The following SLC39A9 variants were observed in gnomAD, a reference collection of about 807,000 sequenced individuals.
SLC39A9 encodes the protein solute carrier family 39 member 9.
Under a neutral mutation model 28.4 loss-of-function variants are expected in SLC39A9, and 14 were observed. That is an observed-to-expected ratio of 0.49 (90% CI 0.33 to 0.77). The LOEUF is 0.77. SLC39A9 is among the 30% of genes least tolerant of loss of function. SLC39A9 has a pLI of 0.02. For synonymous variants in SLC39A9, 119 were observed against 149.6 expected, an observed-to-expected ratio of 0.80 and a Z score of 1.49; for missense variants, 283 against 381.1, an observed-to-expected ratio of 0.74 and a Z score of 2.14.
chr14:69,403,667 T>C (rs1004254428), intron 1 of SLC39A9, among the ~76,000 whole-genome samples: 1 of 152,218 alleles, frequency 6.6e-6, no homozygotes, highest in Non-Finnish European at 1.5e-5. Flanking sequence ...GCTCTAAAAA[T>C]TTCTGAAGGC....
chr14:69,455,924 T>C, intron 6 of SLC39A9, 58 bp downstream of exon 6: 1 of 1,577,424 alleles, frequency 6.3e-7, no homozygotes, highest in Non-Finnish European at 8.6e-7. Context: ...TTAGAATTTA[T>C]GATCTCTTAG....
At chr14:69,426,454 A>C (rs975897190) in intron 2 of SLC39A9, among the ~76,000 whole-genome samples, 4 of 152,250 alleles carry the variant, frequency 2.6e-5, no homozygotes, top group African/African-American at 7.2e-5. Context: ...AGACTAAGTA[A>C]GGTATGGAAG....
intron 1 of SLC39A9, among the ~76,000 whole-genome samples, chr14:69,418,940 T>C (rs1883730914): frequency 6.6e-6 from 1 of 152,294 alleles, no homozygotes; most frequent in East Asian, 1.9e-4. Flanking sequence ...TTTGTTGATG[T>C]TTTCAAAAAA....
Position 69,461,655 on chromosome 14 carries a change from C to G in SLC39A9, c.*3062C>G, listed in dbSNP as rs1397264348. On this transcript the variant is annotated 3_prime_UTR_variant, in exon 7 of 7. Transcript: ENST00000336643. ...TGTGATTGTGTTTTTTTTTTACCAG[C>G]CTACTTCTAAGTGTCACTGCCTGGT... 1 of 1,534,312 alleles carries G rather than the reference C, an allele frequency of 6.5e-7. No homozygotes were observed. The highest frequency in any genetic ancestry group is 8.7e-7 in the Non-Finnish European group (1 of 1,146,228).
Position 69,458,589 on chromosome 14 carries a change from A to G in SLC39A9, c.920A>G (p.His307Arg). ...CTCATCCTGTCAGTAGGACACCAGC[A>G]TTAAATGTTCAAGGTCCAGCCTTGG... ...IPLILSVGHQ[H>R] The change falls in exon 7 of 7, where the codon CAT (histidine) becomes CGT (arginine). Residue 307 changes from histidine to arginine, a missense_variant. His to Arg is a conservative substitution (Grantham distance 29). Coordinates refer to ENST00000336643, the MANE Select transcript of SLC39A9 (RefSeq NM_018375.5). 6.2e-7 allele frequency: 1 copy of G among 1,609,228 alleles called. No individual in the cohort carries two copies. Among genetic ancestry groups the G allele is most frequent in the Admixed American group, 1.7e-5 (1 of 59,568 alleles).
intron 2 of SLC39A9, among the ~76,000 whole-genome samples, chr14:69,431,870 C>T (rs556207612): frequency 6.6e-6 from 1 of 152,276 alleles, no homozygotes; most frequent in African/African-American, 2.4e-5. Context: ...GCTTCATCCT[C>T]CTTGCTGCAA....
intron 5 of SLC39A9, 80 bp downstream of exon 5, chr14:69,454,977 G>A (rs1885790861): frequency 9.7e-7 from 1 of 1,029,904 alleles, no homozygotes; most frequent in Non-Finnish European, 1.5e-6. Context: ...TGTTTTTCCT[G>A]GAATGGGAAC....
At chr14:69,416,962 G>A (rs977212804) in intron 1 of SLC39A9, among the ~76,000 whole-genome samples, 2 of 152,192 alleles carry the variant, frequency 1.3e-5, no homozygotes, top group African/African-American at 4.8e-5. Context: ...CCGTGCAGAA[G>A]CTCTTTAGTT....
At chr14:69,450,759 C>T (rs1885567692) in intron 3 of SLC39A9, among the ~76,000 whole-genome samples, 1 of 152,124 alleles carries the variant, frequency 6.6e-6, no homozygotes, top group Non-Finnish European at 1.5e-5. Context: ...GGGCAACAAG[C>T]AAGACTCTGT....
chr14:69,436,286 G>A (rs1884747509), intron 2 of SLC39A9, among the ~76,000 whole-genome samples: 1 of 152,130 alleles, frequency 6.6e-6, no homozygotes, highest in South Asian at 2.1e-4. Context: ...TTAGCTTAGA[G>A]AACATAGTTA....
intron 3 of SLC39A9, among the ~76,000 whole-genome samples, chr14:69,446,939 T>TAG (rs1367972868): frequency 3.0e-4 from 40 of 133,136 alleles, no homozygotes; most frequent in African/African-American, 8.5e-4. Context: ...GATATATATA[T>TAG]ATATATATAG....
At position 69,424,175 on chromosome 14, in the gene SLC39A9, C is replaced by T. The variant is rs1884059223; in HGVS notation, c.178C>T (p.His60Tyr). ...GGCAGTCATCGTGCCTGAAGGAGTA[C>T]ATGCCCTTTATGAAGATATTCTTGA... ...ALAVIVPEGV[H>Y]ALYEDILEGK... Residue 60 changes from histidine (H) to tyrosine (Y), a missense_variant, in exon 2 of 7, where the codon CAT becomes TAT. Physicochemically the swap from His to Tyr is moderately conservative, Grantham distance 83. Transcript: ENST00000336643. 1 of 1,613,428 alleles carries T rather than the reference C, an allele frequency of 6.2e-7. No individual in the cohort carries two copies. The highest frequency in any genetic ancestry group is 1.3e-5 in the African/African-American group (1 of 75,006).
At chr14:69,406,411 A>G (rs986434351) in intron 1 of SLC39A9, among the ~76,000 whole-genome samples, 7 of 152,228 alleles carry the variant, frequency 4.6e-5, no homozygotes, top group Non-Finnish European at 8.8e-5. Flanking sequence ...TCAAGAGAAG[A>G]TGACATGAAA....
chr14:69,424,172 G>A lies in SLC39A9; in HGVS notation c.175G>A (p.Val59Ile). The change falls in exon 2 of 7, where the codon GTA (valine) becomes ATA (isoleucine). Residue 59 changes from valine (V) to isoleucine (I), a missense_variant. Val to Ile is a conservative substitution (Grantham distance 29). Coordinates refer to ENST00000336643, the MANE Select transcript of SLC39A9 (RefSeq NM_018375.5). ...TCTGGCAGTCATCGTGCCTGAAGGA[G>A]TACATGCCCTTTATGAAGATATTCT... ...TALAVIVPEG[V>I]HALYEDILEG... The A allele has an allele frequency of 6.2e-7, 1 of 1,613,636 alleles. No homozygotes were observed. The highest frequency in any genetic ancestry group is 8.5e-7 in the Non-Finnish European group (1 of 1,179,592).
In SLC39A9 at chr14:69,406,702, A is replaced by T. The variant is rs551919693; in HGVS notation, c.96+7237A>T. On this transcript the variant is annotated intron_variant, in intron 1 of 6. Coordinates refer to ENST00000336643, the MANE Select transcript of SLC39A9 (RefSeq NM_018375.5). ...GACTGTCTTAAAAAAAAAAAAAAAA[A>T]GTAGTAGTACTAAGTATGAGTACTG... Among the ~76,000 whole-genome samples the T allele has an allele frequency of 2.0e-5, 3 of 151,018 alleles. No homozygotes were observed. The East Asian group carries it at 5.9e-4, about 29-fold the overall frequency.
chr14:69,414,222 A>G (rs1467302029), intron 1 of SLC39A9, among the ~76,000 whole-genome samples: 1 of 151,970 alleles, frequency 6.6e-6, no homozygotes, highest in Non-Finnish European at 1.5e-5. Context: ...TAAGTTTTGT[A>G]TTTTTAGTAG....
intron 6 of SLC39A9, among the ~76,000 whole-genome samples, chr14:69,456,516 C>G (rs1288170665): frequency 6.6e-6 from 1 of 152,212 alleles, no homozygotes; most frequent in Non-Finnish European, 1.5e-5. Context: ...CAGATAGTAA[C>G]TGTACAGTTC....
At chr14:69,458,180 A>G (rs1885955831) in intron 6 of SLC39A9, among the ~76,000 whole-genome samples, 183 bp from the exon 7 acceptor site, 1 of 152,202 alleles carries the variant, frequency 6.6e-6, no homozygotes, top group African/African-American at 2.4e-5. Flanking sequence ...TACATCACTG[A>G]TATTCTTAAA....
At chr14:69,432,485 T>G (rs1171069912) in intron 2 of SLC39A9, among the ~76,000 whole-genome samples, 1 of 152,224 alleles carries the variant, frequency 6.6e-6, no homozygotes, top group Non-Finnish European at 1.5e-5. Flanking sequence ...TTGTGAATAA[T>G]TTCTCCTATT....
Sources: allele counts gnomAD v4.1 joint callset (sites outside exome capture counted in the v4.1 genomes callset), GRCh38; gene constraint gnomAD v4.1.1; transcripts MANE v1.5; gene names NCBI Gene and HGNC (gene_info 2026-07-23, HGNC 2026-07-21).